The following GLYR1 variants were observed in gnomAD, a reference collection of about 807,000 sequenced individuals.
The protein encoded by GLYR1 is cytokine-like nuclear factor N-PAC.
A neutral mutation model predicts 72.7 loss-of-function variants in GLYR1; 21 were observed. The ratio of observed to expected loss-of-function variants is 0.29; its 90% CI spans 0.20 to 0.42. The LOEUF (loss-of-function observed/expected upper bound fraction) is 0.42, where lower values mean the gene tolerates loss of function less well. Ranked by LOEUF, GLYR1 falls within the 10% of genes least tolerant of loss-of-function variation. GLYR1 has a pLI of 1.00. For synonymous variants in GLYR1, 392 were observed against 270.2 expected, an observed-to-expected ratio of 1.45 and a Z score of -4.42; for missense variants, 594 against 712.1, an observed-to-expected ratio of 0.83 and a Z score of 1.89.
Position 4,823,831 on chromosome 16 carries a change from G to A in GLYR1, c.614C>T (p.Thr205Ile). The A allele has an allele frequency of 1.9e-6, 3 of 1,613,814 alleles. No homozygotes were observed. Among genetic ancestry groups the A allele is most frequent in the East Asian group, 2.2e-5 (1 of 44,862 alleles). ...AGGAGAGCTCCTTACCTCGCTTGCG[G>A]TTGGCTGCCATTTAAACGCGGCCAT... ...GPMAAFKWQP[T>I]ASEPVKDADP... The change falls in exon 6 of 16, where the codon ACC (threonine) becomes ATC (isoleucine). Residue 205 changes from threonine to isoleucine, a missense_variant. Thr to Ile is a moderately conservative substitution (Grantham distance 89). Coordinates refer to ENST00000321919, the MANE Select transcript of GLYR1 (RefSeq NM_032569.4).
intron 9 of GLYR1, among the ~76,000 whole-genome samples, chr16:4,819,334 G>C (rs1453732780): frequency 6.6e-6 from 1 of 152,006 alleles, no homozygotes; most frequent in African/African-American, 2.4e-5. Flanking sequence ...TTTAGTGACA[G>C]CATTATGCTG....
In GLYR1 at chr16:4,847,209, C is replaced by T. The variant is rs1397721467; in HGVS notation, c.38+19G>A. On this transcript the variant is annotated intron_variant, in intron 1 of 15. Coordinates refer to ENST00000321919, the MANE Select transcript of GLYR1 (RefSeq NM_032569.4). ...TAGCTCCCCGGCGCGTCTCGGTTGG[C>T]CCGGCCGCTCGGACTCACCACACCA... is the stretch of plus-strand genomic sequence containing the variant. 1.9e-6 allele frequency: 3 copies of T among 1,598,470 alleles called. No individual in the cohort carries two copies. Among genetic ancestry groups the T allele is most frequent in the Middle Eastern group, 1.7e-4 (1 of 5,992 alleles).
At chr16:4,829,810 T>A (rs1005059960) in intron 5 of GLYR1, among the ~76,000 whole-genome samples, 1 of 152,110 alleles carries the variant, frequency 6.6e-6, no homozygotes, top group African/African-American at 2.4e-5. Context: ...GTAGTTGGAA[T>A]TACAGGAGCG....
At position 4,831,959 on chromosome 16, in the gene GLYR1, G is replaced by A. The variant is rs746126494; in HGVS notation, c.537+20C>T. ...TAAAAGGACATCACTAATCCCGGAA[G>A]CTGCAGAGAGAAAACAAACCTTCTC... On this transcript the variant is annotated intron_variant, in intron 5 of 15. Transcript: ENST00000321919. 1.9e-6 allele frequency: 3 copies of A among 1,608,896 alleles called. No individual in the cohort carries two copies. Among genetic ancestry groups the A allele is most frequent in the Non-Finnish European group, 2.5e-6 (3 of 1,177,546 alleles).
At chr16:4,805,710 G>C (rs559581415) in intron 15 of GLYR1, among the ~76,000 whole-genome samples, 81 of 152,280 alleles carry the variant, frequency 5.3e-4, no homozygotes, top group African/African-American at 1.9e-3. Flanking sequence ...AGGCGCAGTG[G>C]CTCATGCCTG....
intron 13 of GLYR1, 138 bp downstream of exon 13, chr16:4,811,948 C>T (rs1459223405): frequency 4.9e-6 from 7 of 1,420,590 alleles, no homozygotes; most frequent in African/African-American, 2.9e-5. Flanking sequence ...CCTCCTTCCA[C>T]GCACTGACTA....
chr16:4,805,378 G>C, intron 15 of GLYR1, 68 bp from the exon 16 acceptor site: 1 of 1,350,156 alleles, frequency 7.4e-7, no homozygotes, highest in South Asian at 1.2e-5. Flanking sequence ...CCTGATTCCT[G>C]GAGGCAGTGG....
chr16:4,820,010 T>G (rs1467497093), intron 9 of GLYR1, among the ~76,000 whole-genome samples: 1 of 151,938 alleles, frequency 6.6e-6, no homozygotes, highest in Non-Finnish European at 1.5e-5. Context: ...GCTTCTGGAT[T>G]TTTTTGAGAC....
chr16:4,845,513 T>C (rs1008928528), intron 2 of GLYR1, among the ~76,000 whole-genome samples: 2 of 143,508 alleles, frequency 1.4e-5, no homozygotes, highest in Non-Finnish European at 3.0e-5. Context: ...CCTGCTCCAA[T>C]GTGACCCCAT....
chr16:4,838,101 C>T (rs1003458163), intron 3 of GLYR1, among the ~76,000 whole-genome samples: 1 of 151,828 alleles, frequency 6.6e-6, no homozygotes, highest in Admixed American at 6.6e-5. Context: ...AAAATCCATC[C>T]AAAGGGGCTG....
intron 3 of GLYR1, among the ~76,000 whole-genome samples, chr16:4,838,969 C>T (rs2085348132): frequency 6.6e-6 from 1 of 152,186 alleles, no homozygotes; most frequent in Non-Finnish European, 1.5e-5. Flanking sequence ...TCACTGTAGC[C>T]TTGACCTCCC....
intron 5 of GLYR1, among the ~76,000 whole-genome samples, chr16:4,824,697 C>A (rs1359213814): frequency 6.6e-6 from 1 of 152,110 alleles, no homozygotes; most frequent in Non-Finnish European, 1.5e-5. Context: ...CACAGGAGGA[C>A]ATGGTGAGAT....
At chr16:4,828,902 T>G (rs982138072) in intron 5 of GLYR1, among the ~76,000 whole-genome samples, 1 of 152,074 alleles carries the variant, frequency 6.6e-6, no homozygotes, top group African/African-American at 2.4e-5. Context: ...CTTTCCAGGG[T>G]GGCACAGGCA....
intron 5 of GLYR1, among the ~76,000 whole-genome samples, chr16:4,824,591 G>A (rs1026235326): frequency 1.3e-5 from 2 of 151,994 alleles, no homozygotes; most frequent in Non-Finnish European, 2.9e-5. Context: ...ACATGGGGCT[G>A]ATGAGATCTG....
At chr16:4,827,469 C>G (rs751796089) in intron 5 of GLYR1, among the ~76,000 whole-genome samples, 6 of 152,124 alleles carry the variant, frequency 3.9e-5, no homozygotes, top group Admixed American at 6.6e-5. Flanking sequence ...AGGTGAAGCA[C>G]AAAGAACAGG....
At chr16:4,820,845 C>A (rs971108461) in intron 9 of GLYR1, among the ~76,000 whole-genome samples, 8 of 152,210 alleles carry the variant, frequency 5.3e-5, no homozygotes, top group Admixed American at 1.3e-4. Context: ...TCCAGGATCG[C>A]CCCACCCACA....
intron 15 of GLYR1, among the ~76,000 whole-genome samples, chr16:4,808,013 A>T (rs1370424337): frequency 6.6e-6 from 1 of 152,162 alleles, no homozygotes; most frequent in Non-Finnish European, 1.5e-5. Context: ...AGGCAGGCGG[A>T]TTACTTGAGG....
At chr16:4,829,659 AATTCATTTAT>A (rs1817466700) in intron 5 of GLYR1, among the ~76,000 whole-genome samples, 1 of 149,766 alleles carries the variant, frequency 6.7e-6, no homozygotes, top group Admixed American at 6.7e-5. Flanking sequence ...GCTAATTTTT[AATTCATTTAT>A]ATTAAATTTT....
rs115893676 is a variant in GLYR1, at chr16:4,844,930, T to C, written c.155+144A>G. 1,396 of 626,478 alleles carry C rather than the reference T, an allele frequency of 2.2e-3. 22 individuals carry two copies. In the African/African-American group the frequency reaches 0.023, roughly 10 times the overall value. 38.8% of individuals were successfully genotyped at this position (626,478 alleles called of 1,614,324 possible). ...TTCTGCAAGAAATTGCACCTTTATT[T>C]AGGTATGAAGGCAGAATGAGATGCC... On this transcript the variant is annotated intron_variant, in intron 3 of 15. Coordinates refer to ENST00000321919, the MANE Select transcript of GLYR1 (RefSeq NM_032569.4).
Sources: allele counts gnomAD v4.1 joint callset (sites outside exome capture counted in the v4.1 genomes callset), GRCh38; gene constraint gnomAD v4.1.1; transcripts MANE v1.5; gene names NCBI Gene and HGNC (gene_info 2026-07-23, HGNC 2026-07-21).